Variants in XPO1 observed in about 807,000 individuals in gnomAD.
XPO1 encodes exportin 1.
A neutral mutation model predicts 133.3 loss-of-function variants in XPO1; 5 were observed. The observed-to-expected ratio is 0.04, with a 90% CI of 0.02 to 0.08. The LOEUF (loss-of-function observed/expected upper bound fraction) is 0.08. Ranked by LOEUF, XPO1 falls within the 10% of genes least tolerant of loss-of-function variation. The pLI is 1.00. For missense variants in XPO1, 506 were observed against 1,267.5 expected, an observed-to-expected ratio of 0.40 and a Z score of 9.12; for synonymous variants, 419 against 408.2, an observed-to-expected ratio of 1.03 and a Z score of -0.32.
chr2:61,491,400 G>A (rs1308632283), intron 16 of XPO1, among the ~76,000 whole-genome samples: 1 of 151,226 alleles, frequency 6.6e-6, no homozygotes, highest in African/African-American at 2.4e-5. Flanking sequence ...GCAGTGAGCC[G>A]AGATTGCGCC....
chr2:61,513,691 C>T (rs1698211023), intron 4 of XPO1, among the ~76,000 whole-genome samples: 1 of 151,912 alleles, frequency 6.6e-6, no homozygotes, highest in South Asian at 2.1e-4. Context: ...ACACAAAAAA[C>T]ATCAACTATA....
chr2:61,482,059 C>CTTTTTTTTTTTTTTTTTTTTTTTT (rs1273871116), intron 23 of XPO1, among the ~76,000 whole-genome samples: 85 of 41,064 alleles, frequency 2.1e-3, no homozygotes, highest in Middle Eastern at 0.027. Context: ...TTTTTTTTTG[C>CTTTTTTTTTTTTTTTTTTTTTTTT]TTTTTTAAAG....
chr2:61,521,546 T>C (rs1321807584), intron 4 of XPO1, among the ~76,000 whole-genome samples: 2 of 152,152 alleles, frequency 1.3e-5, no homozygotes, highest in African/African-American at 4.8e-5. Context: ...TTTCTCAAAA[T>C]ATGACTACAT....
At chr2:61,484,508 AC>A (rs1237725815) in intron 20 of XPO1, 1 of 164,392 alleles carries the variant, frequency 6.1e-6, no homozygotes, top group African/African-American at 2.4e-5. Context: ...TCACTCTGTC[AC>A]CCAGGCTGTA....
At chr2:61,532,276 C>T (rs921526990) in intron 2 of XPO1, among the ~76,000 whole-genome samples, 5 of 151,946 alleles carry the variant, frequency 3.3e-5, no homozygotes, top group Admixed American at 1.3e-4. Context: ...TACAGGCGCC[C>T]GCCACCACGC....
chr2:61,479,607 TGATA>T (rs1696236266), intron 24 of XPO1, among the ~76,000 whole-genome samples: 1 of 152,248 alleles, frequency 6.6e-6, no homozygotes, highest in African/African-American at 2.4e-5. Context: ...GTTCTCTTTG[TGATA>T]GAGTCTTGTT....
intron 2 of XPO1, among the ~76,000 whole-genome samples, chr2:61,527,627 A>G (rs768008612): frequency 4.6e-5 from 7 of 152,230 alleles, no homozygotes; most frequent in Non-Finnish European, 1.0e-4. Context: ...AGGTCTAATT[A>G]AACCACAAAT....
intron 23 of XPO1, 85 bp downstream of exon 23, chr2:61,482,295 T>C: frequency 7.6e-7 from 1 of 1,318,804 alleles, no homozygotes; most frequent in Non-Finnish European, 1.0e-6. Context: ...CCTCCCACCT[T>C]AGGCTTCCCA....
intron 9 of XPO1, among the ~76,000 whole-genome samples, chr2:61,497,599 A>G (rs1286303982): frequency 6.6e-6 from 1 of 152,212 alleles, no homozygotes; most frequent in African/African-American, 2.4e-5. Context: ...GGAATGTTAT[A>G]CTTTCTGTGT....
At position 61,495,524 on chromosome 2, in the gene XPO1, G is replaced by C; in HGVS notation, c.978C>G (p.Leu326=). The change falls in exon 11 of 25, where the codon CTC becomes CTG. Residue 326 remains leucine, a synonymous_variant. Transcript: ENST00000401558. ...QNFIQNLSLF[L]CTFLKEHDQL... Reference sequence around the variant, plus strand: ...GATCATGTTCCTTAAGAAAGGTGCAGAGAAACAAACTGAGATTTTGAATGA... The same window carrying C: ...GATCATGTTCCTTAAGAAAGGTGCACAGAAACAAACTGAGATTTTGAATGA... 3.1e-6 allele frequency: 5 copies of C among 1,595,034 alleles called. No homozygotes were observed. The highest frequency in any genetic ancestry group is 4.3e-6 in the Non-Finnish European group (5 of 1,167,658).
intron 4 of XPO1, among the ~76,000 whole-genome samples, chr2:61,518,719 A>C (rs981435678): frequency 3.3e-5 from 5 of 152,196 alleles, no homozygotes; most frequent in Non-Finnish European, 1.5e-5. Flanking sequence ...TGGGGAATAA[A>C]GTGACTAAAA....
Position 61,537,913 on chromosome 2 carries a change from G to T in XPO1, c.-358C>A. 6.2e-6 allele frequency: 1 copy of T among 160,030 alleles called. No individual in the cohort carries two copies. The highest frequency in any genetic ancestry group is 1.4e-5 in the Non-Finnish European group (1 of 73,214). The allele number at this position is 160,030 out of a possible 1,614,324, so 9.9% of individuals were successfully genotyped here. On this transcript the variant is annotated 5_prime_UTR_variant, in exon 1 of 25. Transcript: ENST00000401558. ...CCCCAGGGGGACCCTCCAGCCACAGGCAGCAGCAGAAGCGGCAGGAGTAGG... is the reference window on the plus strand; with the variant it reads ...CCCCAGGGGGACCCTCCAGCCACAGTCAGCAGCAGAAGCGGCAGGAGTAGG...
intron 3 of XPO1, among the ~76,000 whole-genome samples, chr2:61,523,111 G>T (rs935740022): frequency 6.6e-6 from 1 of 152,190 alleles, no homozygotes. Flanking sequence ...TCCTCTAGGA[G>T]TTATAAGCTT....
chr2:61,526,233 A>T, intron 3 of XPO1, 187 bp downstream of exon 3: 2 of 1,397,746 alleles, frequency 1.4e-6, no homozygotes, highest in East Asian at 5.5e-5. Flanking sequence ...CCATTACAAA[A>T]CTTCATTCAT....
At chr2:61,493,866 A>G (rs1160885174) in intron 12 of XPO1, 28 bp downstream of exon 12, 1 of 1,611,928 alleles carries the variant, frequency 6.2e-7, no homozygotes. Context: ...ATGCAACAGG[A>G]AGAACACTCA....
chr2:61,489,840 C>T (rs1696884921), intron 17 of XPO1, among the ~76,000 whole-genome samples: 1 of 151,938 alleles, frequency 6.6e-6, no homozygotes, highest in Admixed American at 6.6e-5. Context: ...AGGCATGAGC[C>T]ACCACACCCA....
intron 16 of XPO1, among the ~76,000 whole-genome samples, chr2:61,491,742 A>G (rs1573127190): frequency 6.6e-6 from 1 of 152,092 alleles, no homozygotes; most frequent in East Asian, 1.9e-4. Context: ...AAGGGGGGGA[A>G]AAAGGTTAGC....
chr2:61,496,433 C>T (rs1231002006), intron 10 of XPO1, among the ~76,000 whole-genome samples: 3 of 152,180 alleles, frequency 2.0e-5, no homozygotes, highest in Non-Finnish European at 4.4e-5. Context: ...TGGTCTCGAA[C>T]TCCTGGCATC....
At chr2:61,496,518 G>A (rs750239091) in intron 10 of XPO1, among the ~76,000 whole-genome samples, 4 of 152,116 alleles carry the variant, frequency 2.6e-5, no homozygotes, top group Non-Finnish European at 5.9e-5. Flanking sequence ...CATGAACACA[G>A]TATTATGAAT....
Sources: gnomAD v4.1 joint callset for allele counts (sites outside exome capture counted in the v4.1 genomes callset) on GRCh38, gnomAD v4.1.1 for gene constraint, MANE v1.5 for transcripts, NCBI Gene and HGNC (gene_info 2026-07-23, HGNC 2026-07-21) for gene names.